Variants in JAKMIP2 observed in about 807,000 individuals in gnomAD.
The protein encoded by JAKMIP2 is janus kinase and microtubule interacting protein 2.
In JAKMIP2, 25 loss-of-function variants were observed where a neutral mutation model predicts 115.0. The observed-to-expected ratio is 0.22, with a 90% confidence interval of 0.16 to 0.30. JAKMIP2 has a LOEUF of 0.30. Among genes scored for constraint, JAKMIP2 ranks in the 10% least tolerant of loss-of-function variants. The pLI is 1.00. For synonymous variants in JAKMIP2, 334 were observed against 343.6 expected (o/e 0.97, Z 0.31); for missense variants, 642 against 957.6 (o/e 0.67, Z 4.35).
chr5:147,593,831 A>G lies in JAKMIP2; in HGVS notation c.*21-2145T>C, dbSNP rs1402143276. On this transcript the variant is annotated intron_variant, in intron 21 of 21. Coordinates refer to ENST00000616793, the MANE Select transcript of JAKMIP2 (RefSeq NM_001270941.2). ...TACAAACACAACATTCTCCTATTCC[A>G]TGGTAAATAAGAGAGTTGATCTGAA... 4.6e-5 allele frequency among the ~76,000 whole-genome samples: 7 copies of G among 152,226 alleles called. No homozygotes were observed. The East Asian group carries it at 1.3e-3, about 29-fold the overall frequency.
At position 147,782,576 on chromosome 5, in the gene JAKMIP2, T is replaced by A. The variant is rs2127102977; in HGVS notation, c.-269A>T. 1 of 1,071,030 alleles carries A rather than the reference T, an allele frequency of 9.3e-7. No homozygotes were observed. The highest frequency in any genetic ancestry group is 1.4e-6 in the Non-Finnish European group (1 of 723,204). 66.3% of individuals were successfully genotyped at this position (1,071,030 alleles called of 1,614,324 possible). ...CATCAGCAGTGGCTGCCGGTTTTTT[T>A]TTTCCCTCTGTCTCTGGTTGGCGAT... On this transcript the variant is annotated 5_prime_UTR_variant, in exon 1 of 22. Transcript: ENST00000616793.
Position 147,590,180 on chromosome 5 carries a change from T to A in JAKMIP2, c.*1527A>T, listed in dbSNP as rs1157911892. On this transcript the variant is annotated 3_prime_UTR_variant, in exon 22 of 22. Transcript: ENST00000616793. ...ACTGAAGGATGATAGTGAACCCACATATGGAAAGATTTGTATAGCATTTCA... is the reference window on the plus strand; with the variant it reads ...ACTGAAGGATGATAGTGAACCCACAAATGGAAAGATTTGTATAGCATTTCA... The A allele has an allele frequency of 6.6e-6, 1 of 152,208 alleles. No individual in the cohort carries two copies. Among genetic ancestry groups the A allele is most frequent in the Admixed American group, 6.5e-5 (1 of 15,284 alleles). 9.4% of individuals were successfully genotyped at this position (152,208 alleles called of 1,614,324 possible). A position where few individuals can be genotyped will look rare whatever the true frequency, so the allele number is the denominator to read the frequency against.
At chr5:147,695,175 G>A (rs1752046390) in intron 1 of JAKMIP2, among the ~76,000 whole-genome samples, 1 of 152,210 alleles carries the variant, frequency 6.6e-6, no homozygotes. Context: ...TTTGTACTAA[G>A]TTTGGCAGTT....
intron 17 of JAKMIP2, among the ~76,000 whole-genome samples, chr5:147,621,918 A>G (rs1305055567): frequency 6.6e-6 from 1 of 152,014 alleles, no homozygotes; most frequent in East Asian, 1.9e-4. Flanking sequence ...CCCAGGCTGG[A>G]GTGCAATGGC....
chr5:147,653,911 T>C (rs1191890735), intron 3 of JAKMIP2, among the ~76,000 whole-genome samples: 1 of 152,156 alleles, frequency 6.6e-6, no homozygotes, highest in Non-Finnish European at 1.5e-5. Context: ...AGGGATCCAG[T>C]TTCAGTTTTC....
intron 1 of JAKMIP2, among the ~76,000 whole-genome samples, chr5:147,692,314 C>G (rs1372664040): frequency 1.3e-5 from 2 of 152,104 alleles, no homozygotes. Context: ...CTTAGAGCTC[C>G]GGAAAGAACC....
At chr5:147,621,577 T>C (rs1756848150) in intron 17 of JAKMIP2, among the ~76,000 whole-genome samples, 1 of 152,204 alleles carries the variant, frequency 6.6e-6, no homozygotes. Flanking sequence ...TTAATTAATA[T>C]TTGTGTTTTT....
At chr5:147,722,639 T>C (rs1753358931) in intron 1 of JAKMIP2, among the ~76,000 whole-genome samples, 1 of 152,158 alleles carries the variant, frequency 6.6e-6, no homozygotes, top group South Asian at 2.1e-4. Flanking sequence ...TGGGACAATG[T>C]CAGTCATAGA....
chr5:147,603,308 G>C (rs1006329089), intron 20 of JAKMIP2, among the ~76,000 whole-genome samples: 1 of 152,196 alleles, frequency 6.6e-6, no homozygotes, highest in Non-Finnish European at 1.5e-5. Flanking sequence ...GTCTCATAGA[G>C]TAATTATGAG....
rs141881881 is a variant in JAKMIP2, at chr5:147,782,508, C to T, written c.-201G>A. On this transcript the variant is annotated 5_prime_UTR_variant, in exon 1 of 22. Coordinates refer to ENST00000616793, the MANE Select transcript of JAKMIP2 (RefSeq NM_001270941.2). ...AAGGAGGGAGAGATGCAAACTGAAT[C>T]CATTTTCCTTGTGACCGAGTCGGAT... The T allele has an allele frequency of 2.6e-4, 404 of 1,534,400 alleles. No homozygotes were observed. The highest frequency in any genetic ancestry group is 3.4e-4 in the Non-Finnish European group (393 of 1,145,382).
chr5:147,759,421 C>T (rs2127042848), intron 1 of JAKMIP2, among the ~76,000 whole-genome samples: 1 of 152,180 alleles, frequency 6.6e-6, no homozygotes. Context: ...TGATCTAGAG[C>T]ATTTATGCAC....
intron 16 of JAKMIP2, among the ~76,000 whole-genome samples, chr5:147,626,292 C>T (rs1757091487): frequency 6.6e-6 from 1 of 152,204 alleles, no homozygotes; most frequent in South Asian, 2.1e-4. Context: ...TACCACAGTG[C>T]TAAGCACAGA....
At chr5:147,756,542 C>T (rs1754751306) in intron 1 of JAKMIP2, among the ~76,000 whole-genome samples, 1 of 152,152 alleles carries the variant, frequency 6.6e-6, no homozygotes, top group African/African-American at 2.4e-5. Flanking sequence ...AAAAGCTTTA[C>T]AAACAACATC....
At chr5:147,669,020 C>T (rs1318307406) in intron 2 of JAKMIP2, among the ~76,000 whole-genome samples, 2 of 152,132 alleles carry the variant, frequency 1.3e-5, no homozygotes, top group Admixed American at 1.3e-4. Context: ...GCCCCATTAC[C>T]CCAAAGGTTT....
At chr5:147,598,391 G>A (rs930877019) in intron 21 of JAKMIP2, among the ~76,000 whole-genome samples, 17 of 151,890 alleles carry the variant, frequency 1.1e-4, no homozygotes, top group Non-Finnish European at 2.4e-4. Flanking sequence ...ATAACCAGGT[G>A]AGCGAATTCT....
At chr5:147,772,928 A>T (rs1755419043) in intron 1 of JAKMIP2, among the ~76,000 whole-genome samples, 1 of 152,086 alleles carries the variant, frequency 6.6e-6, no homozygotes, top group Non-Finnish European at 1.5e-5. Flanking sequence ...AGCGTACTAG[A>T]TGCATAATAG....
intron 1 of JAKMIP2, among the ~76,000 whole-genome samples, chr5:147,728,882 G>A (rs1753618635): frequency 6.6e-6 from 1 of 152,152 alleles, no homozygotes; most frequent in African/African-American, 2.4e-5. Flanking sequence ...GGGACATGTG[G>A]AATTAGCCAT....
At chr5:147,702,049 C>T (rs565822128) in intron 1 of JAKMIP2, among the ~76,000 whole-genome samples, 45 of 152,270 alleles carry the variant, frequency 3.0e-4, no homozygotes, top group Admixed American at 2.6e-3. Flanking sequence ...TTTCCTTCTG[C>T]CTCTTTCTAA....
At chr5:147,637,392 C>G (rs1010208628) in intron 10 of JAKMIP2, among the ~76,000 whole-genome samples, 3 of 149,004 alleles carry the variant, frequency 2.0e-5, no homozygotes, top group Non-Finnish European at 3.0e-5. Flanking sequence ...AATGATTTCT[C>G]TTTCATGAAA....
Sources: gnomAD v4.1 joint callset for allele counts (sites outside exome capture counted in the v4.1 genomes callset) on GRCh38, gnomAD v4.1.1 for gene constraint, MANE v1.5 for transcripts, NCBI Gene and HGNC (gene_info 2026-07-23, HGNC 2026-07-21) for gene names.